Variants in DMD observed in about 807,000 individuals in gnomAD.
DMD encodes dystrophin.
DMD carries 63 observed loss-of-function variants against 330.1 expected under a neutral mutation model. That is an observed-to-expected ratio of 0.19 (90% CI 0.16 to 0.24). The LOEUF (loss-of-function observed/expected upper bound fraction) is 0.24. DMD is among the 10% of genes least tolerant of loss of function. DMD has a pLI of 1.00. For synonymous variants in DMD, 1,223 were observed against 959.8 expected (o/e 1.27, Z -5.07); for missense variants, 3,344 against 2,684.1 (o/e 1.25, Z -5.43).
chrX:31,254,340 C>G (rs913970767), intron 63 of DMD, among the ~76,000 whole-genome samples: 2 of 110,596 alleles, frequency 1.8e-5, no homozygotes, highest in Admixed American at 9.6e-5. Context: ...TTAAGAGACC[C>G]CCCCCCAATA....
chrX:32,539,766 A>G (rs73453787), intron 17 of DMD, among the ~76,000 whole-genome samples: 2,724 of 111,943 alleles, frequency 0.024, 88 homozygotes, highest in African/African-American at 0.083. Flanking sequence ...AAAATCAAAC[A>G]AACAAAAAAC....
intron 44 of DMD, among the ~76,000 whole-genome samples, chrX:32,054,757 C>G (rs1423630611): frequency 1.9e-5 from 2 of 105,253 alleles, no homozygotes; most frequent in African/African-American, 7.0e-5. Context: ...ATTCCTTTCT[C>G]TATGTGAAGG....
chrX:32,537,019 A>G (rs73207771), intron 17 of DMD, among the ~76,000 whole-genome samples: 1 of 111,331 alleles, frequency 9.0e-6, no homozygotes, highest in Admixed American at 9.5e-5. Flanking sequence ...GGATGTAGAA[A>G]AAAATAACAA....
intron 50 of DMD, among the ~76,000 whole-genome samples, chrX:31,797,516 TACTC>T (rs1040193858): frequency 8.9e-6 from 1 of 112,199 alleles, no homozygotes; most frequent in African/African-American, 3.2e-5. Context: ...CTTAAATTAA[TACTC>T]ACCATGTGAT....
intron 67 of DMD, among the ~76,000 whole-genome samples, chrX:31,191,138 A>G (rs1371403767): frequency 9.0e-6 from 1 of 111,692 alleles, no homozygotes; most frequent in Non-Finnish European, 1.9e-5. Context: ...TTATTTAATC[A>G]TGGCAGATAA....
Position 32,935,127 on chromosome X carries a change from C to T in DMD, c.93+85012G>A, listed in dbSNP as rs760128203. Among the ~76,000 whole-genome samples the T allele has an allele frequency of 1.6e-3, 177 of 112,287 alleles. 1 individual carries two copies. The highest frequency in any genetic ancestry group is 2.0e-3 in the Non-Finnish European group (107 of 53,187). ...CCGAGTAGCTGGGACTACAGGCGCC[C>T]GCCACCACGCCCCGCTAATTTCTTG... On this transcript the variant is annotated intron_variant, in intron 2 of 78. Transcript: ENST00000357033.
intron 43 of DMD, among the ~76,000 whole-genome samples, chrX:32,218,316 C>G (rs1414796747): frequency 9.0e-6 from 1 of 111,429 alleles, no homozygotes; most frequent in Non-Finnish European, 1.9e-5. Flanking sequence ...AAAAACACTG[C>G]CGTAAAGTAA....
At chrX:31,402,728 A>G (rs2061245003) in intron 60 of DMD, among the ~76,000 whole-genome samples, 1 of 112,080 alleles carries the variant, frequency 8.9e-6, no homozygotes. Context: ...ATAAAGATCA[A>G]ACAGGGTATT....
At position 32,054,086 on chromosome X, in the gene DMD, TGTGAGAGAGAGAGAGAGAGAGAGA is replaced by T. The variant is rs1386784746; in HGVS notation, c.6439-85596_6439-85573del. On this transcript the variant is annotated intron_variant, in intron 44 of 78. Transcript: ENST00000357033. Reference sequence around the variant, plus strand: ...TATGTGGGGTATGTGTGTGTGTGTGTGTGAGAGAGAGAGAGAGAGAGAGAGAGAGAGAGAGAGAGAGAGAGAGAG... The same window carrying T: ...TATGTGGGGTATGTGTGTGTGTGTGTGAGAGAGAGAGAGAGAGAGAGAGAG... Among the ~76,000 whole-genome samples the T allele has an allele frequency of 1.4e-3, 112 of 79,017 alleles. 2 individuals are homozygous for T. The highest frequency in any genetic ancestry group is 5.6e-3 in the African/African-American group (107 of 19,073). 68.6% of individuals were successfully genotyped at this position (79,017 alleles called of 115,157 possible). A position where few individuals can be genotyped will look rare whatever the true frequency, so the allele number is the denominator to read the frequency against.
At chrX:33,317,196 G>T (rs2053944828) in intron 1 of DMD, among the ~76,000 whole-genome samples, 1 of 110,663 alleles carries the variant, frequency 9.0e-6, no homozygotes, top group African/African-American at 3.3e-5. Context: ...ACAACAAAAT[G>T]AACAGACTTT....
intron 1 of DMD, among the ~76,000 whole-genome samples, chrX:33,299,855 T>C (rs756306335): frequency 8.9e-6 from 1 of 112,065 alleles, no homozygotes; most frequent in African/African-American, 3.2e-5. Flanking sequence ...CCCATTCACC[T>C]TGATGTTTCC....
chrX:32,538,430 T>C (rs1182921342), intron 17 of DMD, among the ~76,000 whole-genome samples: 1 of 110,607 alleles, frequency 9.0e-6, no homozygotes, highest in Admixed American at 9.6e-5. Flanking sequence ...CCTTTGACTG[T>C]AATTTTCCAC....
chrX:32,941,775 T>C (rs2090438077), intron 2 of DMD, among the ~76,000 whole-genome samples: 1 of 111,018 alleles, frequency 9.0e-6, no homozygotes, highest in South Asian at 3.8e-4. Flanking sequence ...CTCCCTCCCA[T>C]AAGGAGTTGA....
chrX:33,270,844 T>C (rs969657442), intron 1 of DMD, among the ~76,000 whole-genome samples: 4 of 112,025 alleles, frequency 3.6e-5, no homozygotes, highest in African/African-American at 1.3e-4. Flanking sequence ...TGCTTTTTTA[T>C]GCTATAAACT....
chrX:31,258,408 A>G (rs1210262794), intron 63 of DMD, among the ~76,000 whole-genome samples: 1 of 112,877 alleles, frequency 8.9e-6, no homozygotes, highest in African/African-American at 3.2e-5. Context: ...AAGCCCAACG[A>G]ATGTTTGATT....
intron 16 of DMD, among the ~76,000 whole-genome samples, chrX:32,559,520 A>C (rs768592169): frequency 8.9e-6 from 1 of 111,861 alleles, no homozygotes. Context: ...TGGCCAAAAA[A>C]GAAGAGAGGC....
intron 44 of DMD, among the ~76,000 whole-genome samples, chrX:32,099,750 G>T (rs1486884759): frequency 5.9e-5 from 4 of 67,429 alleles, no homozygotes; most frequent in African/African-American, 1.8e-4. Flanking sequence ...TGTGGGGTGG[G>T]GGGAGGGGGG....
At chrX:31,223,774 C>T (rs1218048634) in intron 63 of DMD, among the ~76,000 whole-genome samples, 2 of 111,904 alleles carry the variant, frequency 1.8e-5, no homozygotes, top group African/African-American at 6.5e-5. Context: ...GAGATCCCAT[C>T]TCTACAAAAA....
At chrX:32,515,009 AAG>A (rs1431938728) in intron 18 of DMD, among the ~76,000 whole-genome samples, 1 of 112,353 alleles carries the variant, frequency 8.9e-6, no homozygotes, top group Non-Finnish European at 1.9e-5. Context: ...ACTGCAAGGA[AAG>A]AGGTATTTTT....
Sources: allele counts gnomAD v4.1 joint callset (sites outside exome capture counted in the v4.1 genomes callset), GRCh38; gene constraint gnomAD v4.1.1; transcripts MANE v1.5; gene names NCBI Gene and HGNC (gene_info 2026-07-23, HGNC 2026-07-21).